TPRG1: variants seen among roughly 807,000 people sequenced by gnomAD.
TPRG1 encodes tumor protein p63-regulated gene 1 protein.
Under a neutral mutation model 29.3 loss-of-function variants are expected in TPRG1, and 29 were observed. That is an observed-to-expected ratio of 0.99 (90% CI 0.74 to 1.35). TPRG1 has a LOEUF of 1.35. Among genes scored for constraint, TPRG1 ranks in the 40% most tolerant of loss-of-function variants. The pLI, the probability that TPRG1 is intolerant of heterozygous loss-of-function variation, is 0.00. For synonymous variants in TPRG1, 130 were observed against 116.8 expected (o/e 1.11, Z -0.73); for missense variants, 327 against 335.0 (o/e 0.98, Z 0.19).
At chr3:189,247,719 G>T (rs907766345) in intron 4 of TPRG1, among the ~76,000 whole-genome samples, 6 of 151,812 alleles carry the variant, frequency 4.0e-5, no homozygotes, top group Non-Finnish European at 8.8e-5. Context: ...CCTAGTTACT[G>T]AATTTTATCA....
At chr3:189,033,646 C>A (rs1356954977) in intron 4 of TPRG1, among the ~76,000 whole-genome samples, 2 of 151,300 alleles carry the variant, frequency 1.3e-5, no homozygotes, top group Non-Finnish European at 2.9e-5. Flanking sequence ...GTGGTGCAAT[C>A]TTGGCTCCCT....
At position 189,238,819 on chromosome 3, in the gene TPRG1, T is replaced by C. The variant is rs1739992390; in HGVS notation, c.389T>C (p.Leu130Pro). The change falls in exon 4 of 6, where the codon CTG becomes CCG. Residue 130 changes from leucine to proline, a missense_variant. Leu to Pro is a moderately conservative substitution (Grantham distance 98, BLOSUM62 -3). Transcript: ENST00000345063. Reference sequence around the variant, plus strand: ...ATCTGCAAATACGACTTCATCATGCTGAGTTGTGTGCAGCTGCAGCGGATT... The same window carrying C: ...ATCTGCAAATACGACTTCATCATGCCGAGTTGTGTGCAGCTGCAGCGGATT... ...LLICKYDFIM[L>P]SCVQLQRIPL... 1.2e-6 allele frequency: 2 copies of C among 1,613,700 alleles called. No homozygotes were observed. The highest frequency in any genetic ancestry group is 1.3e-5 in the African/African-American group (1 of 74,920).
chr3:189,185,950 G>A (rs1345799585), intron 1 of TPRG1, among the ~76,000 whole-genome samples: 1 of 151,992 alleles, frequency 6.6e-6, no homozygotes, highest in Non-Finnish European at 1.5e-5. Flanking sequence ...TCCAAGGATT[G>A]TATTATACTC....
intron 3 of TPRG1, among the ~76,000 whole-genome samples, chr3:189,216,028 G>A (rs1278523021): frequency 6.6e-6 from 1 of 152,080 alleles, no homozygotes; most frequent in African/African-American, 2.4e-5. Flanking sequence ...CAGAAATTCT[G>A]TTGTTTGTGT....
upstream of TPRG1, among the ~76,000 whole-genome samples, chr3:189,167,543 A>G (rs1362047863): frequency 1.3e-5 from 2 of 152,118 alleles, no homozygotes; most frequent in African/African-American, 2.4e-5. Context: ...CAAAGTGAAA[A>G]TCCAGCCTCC....
At chr3:189,148,979 C>T (rs141612801) in intron 4 of TPRG1, among the ~76,000 whole-genome samples, 82 of 152,270 alleles carry the variant, frequency 5.4e-4, no homozygotes, top group African/African-American at 1.9e-3. Context: ...CTGCTGTGGG[C>T]GATTGCTTGA....
rs896477213 is a variant in TPRG1 at position 189,219,234 on chromosome 3, G to T, written c.302+3851G>T. Among the ~76,000 whole-genome samples the T allele has an allele frequency of 5.3e-5, 8 of 152,090 alleles. No homozygotes were observed. In the South Asian group the frequency reaches 8.3e-4, roughly 16 times the overall value. ...GCTTTGTGATTCTCTAAATTGATAT[G>T]GGCACATTATTCAGTAAAATCAGAA... On this transcript the variant is annotated intron_variant, in intron 3 of 5. Coordinates refer to ENST00000345063, the MANE Select transcript of TPRG1 (RefSeq NM_198485.4).
chr3:189,151,023 G>A (rs975500351), intron 5 of TPRG1: 2 of 152,292 alleles, frequency 1.3e-5, no homozygotes, highest in East Asian at 1.9e-4. Context: ...TTCTGACAGT[G>A]CTTTGGATTT....
At chr3:189,187,463 G>A (rs116043768) in intron 1 of TPRG1, among the ~76,000 whole-genome samples, 1,400 of 138,988 alleles carry the variant, frequency 0.01, 22 homozygotes, top group African/African-American at 0.038. Flanking sequence ...CCGCCACCAC[G>A]CTCAGCTGAT....
chr3:189,284,452 GT>G (rs1717707808), intron 4 of TPRG1, among the ~76,000 whole-genome samples: 1 of 149,216 alleles, frequency 6.7e-6, no homozygotes, highest in African/African-American at 2.5e-5. Context: ...AGAACATGTG[GT>G]GTTTGGTTTT....
At chr3:189,091,648 T>C (rs1718344559) in intron 4 of TPRG1, among the ~76,000 whole-genome samples, 2 of 152,164 alleles carry the variant, frequency 1.3e-5, no homozygotes, top group African/African-American at 4.8e-5. Flanking sequence ...AATACCTCTG[T>C]CCTCCCCTGA....
In TPRG1 at chr3:189,296,969, C is replaced by A. The variant is rs1720035757; in HGVS notation, c.480-13417C>A. 3.4e-5 allele frequency among the ~76,000 whole-genome samples: 5 copies of A among 146,376 alleles called. No homozygotes were observed. The South Asian group carries it at 8.8e-4, about 26-fold the overall frequency. ...CCTTTCATCACAATTCACTGATAAACCCTCTTCTTCTTCTTCTTCTTTTTT... is the reference window on the plus strand; with the variant it reads ...CCTTTCATCACAATTCACTGATAAAACCTCTTCTTCTTCTTCTTCTTTTTT... On this transcript the variant is annotated intron_variant, in intron 4 of 5. Transcript: ENST00000345063.
At chr3:189,087,026 A>T (rs926553535) in intron 4 of TPRG1, among the ~76,000 whole-genome samples, 3 of 152,210 alleles carry the variant, frequency 2.0e-5, no homozygotes, top group African/African-American at 7.2e-5. Flanking sequence ...ATACCCAGTA[A>T]TGGGATGGCT....
intron 4 of TPRG1, among the ~76,000 whole-genome samples, chr3:189,270,734 G>C (rs563569876): frequency 6.6e-6 from 1 of 152,020 alleles, no homozygotes; most frequent in Admixed American, 6.6e-5. Context: ...CATCACTATC[G>C]GGTGCCATTA....
chr3:189,252,461 G>A (rs1742439025), intron 4 of TPRG1, among the ~76,000 whole-genome samples: 1 of 152,070 alleles, frequency 6.6e-6, no homozygotes, highest in South Asian at 2.1e-4. Flanking sequence ...TGAAATGGGA[G>A]CCCTAAATCT....
At chr3:189,246,268 G>A (rs1009553208) in intron 4 of TPRG1, among the ~76,000 whole-genome samples, 1 of 152,026 alleles carries the variant, frequency 6.6e-6, no homozygotes, top group African/African-American at 2.4e-5. Flanking sequence ...TGATTATAAG[G>A]CCTCCCCAGC....
chr3:189,173,404 A>G (rs1729081821), intron 1 of TPRG1, among the ~76,000 whole-genome samples: 1 of 142,298 alleles, frequency 7.0e-6, no homozygotes, highest in South Asian at 2.2e-4. Flanking sequence ...TAGTGGCGCG[A>G]TCTCGGCTCA....
intron 1 of TPRG1, among the ~76,000 whole-genome samples, chr3:189,201,778 T>C (rs116300141): frequency 0.016 from 2,401 of 152,164 alleles, 71 homozygotes; most frequent in African/African-American, 0.055. Context: ...GCCTCCCAAG[T>C]AGCTGAGATT....
intron 4 of TPRG1, among the ~76,000 whole-genome samples, chr3:189,271,746 A>G (rs573818468): frequency 1.0e-3 from 157 of 152,346 alleles, no homozygotes; most frequent in Middle Eastern, 3.4e-3. Flanking sequence ...TTACAGAGAC[A>G]TGGACGACTG....
Sources: gnomAD v4.1 joint callset for allele counts (sites outside exome capture counted in the v4.1 genomes callset) on GRCh38, gnomAD v4.1.1 for gene constraint, MANE v1.5 for transcripts, NCBI Gene and HGNC (gene_info 2026-07-23, HGNC 2026-07-21) for gene names.